The following CDC34 variants were observed in gnomAD, a reference collection of about 807,000 sequenced individuals.
CDC34 encodes ubiquitin-conjugating enzyme E2 R1.
In CDC34, 18 loss-of-function variants were observed where a neutral mutation model predicts 26.8. The ratio of observed to expected loss-of-function variants is 0.67; its 90% confidence interval spans 0.47 to 1.00. The LOEUF (loss-of-function observed/expected upper bound fraction) is 1.00, where lower values mean the gene tolerates loss of function less well. CDC34 is among the 50% of genes least tolerant of loss of function. The pLI is 0.00. For missense variants in CDC34, 280 were observed against 334.5 expected (o/e 0.84, Z 1.27); for synonymous variants, 178 against 147.5 (o/e 1.21, Z -1.50).
In CDC34 at chr19:535,936, C is replaced by T. The variant is rs1418642582; in HGVS notation, c.264+13C>T. ...TAACATCTACGAGGTGAGCGCGGCC[C>T]CCACGGGCCTCAAGTCCTCATCCTC... is the stretch of plus-strand genomic sequence containing the variant. On this transcript the variant is annotated intron_variant, in intron 2 of 4. Transcript: ENST00000215574. 4 of 1,610,270 alleles carry T rather than the reference C, an allele frequency of 2.5e-6. No individual in the cohort carries two copies. The African/African-American group carries it at 4.0e-5, about 16-fold the overall frequency.
At chr19:537,411 G>A (rs1279336742) in intron 4 of CDC34, among the ~76,000 whole-genome samples, 1 of 152,026 alleles carries the variant, frequency 6.6e-6, no homozygotes, top group Non-Finnish European at 1.5e-5. Context: ...GGAGTGCAGT[G>A]GCGCGATCTC....
At chr19:535,654 C>T (rs1183150272) in intron 1 of CDC34, among the ~76,000 whole-genome samples, 183 bp from the exon 2 acceptor site, 2 of 152,256 alleles carry the variant, frequency 1.3e-5, no homozygotes, top group Non-Finnish European at 2.9e-5. Flanking sequence ...GAAAAGGCTT[C>T]AGGCAGCCTT....
At chr19:539,033 A>G in intron 4 of CDC34, 1 of 983,358 alleles carries the variant, frequency 1.0e-6, no homozygotes, top group Non-Finnish European at 1.2e-6. Context: ...TTTATCCCTC[A>G]AAACTCCCTG....
intron 1 of CDC34, among the ~76,000 whole-genome samples, 160 bp downstream of exon 1, chr19:532,268 G>T (rs16990500): frequency 0.03 from 4,585 of 152,106 alleles, 101 homozygotes; most frequent in Non-Finnish European, 0.047. Flanking sequence ...CCCCCACCCA[G>T]CTCTGCCCGG....
In CDC34 at chr19:541,803, C is replaced by G. The variant is rs1251197433; in HGVS notation, c.*251C>G. On this transcript the variant is annotated 3_prime_UTR_variant, in exon 5 of 5. Coordinates refer to ENST00000215574, the MANE Select transcript of CDC34 (RefSeq NM_004359.2). ...GGGTGGGAGCGGCCGGCCCACCTGT[C>G]CCCTCGGGAGGGGAGCTGAGCCCGA... is the stretch of plus-strand genomic sequence containing the variant. 1 of 334,470 alleles carries G rather than the reference C, an allele frequency of 3.0e-6. No individual in the cohort carries two copies. Among genetic ancestry groups the G allele is most frequent in the South Asian group, 8.7e-5 (1 of 11,452 alleles). The allele number at this position is 334,470 out of a possible 1,614,324, so 20.7% of individuals were successfully genotyped here. A position where few individuals can be genotyped will look rare whatever the true frequency, so the allele number is the denominator to read the frequency against.
At chr19:533,269 A>T (rs1979580992) in intron 1 of CDC34, among the ~76,000 whole-genome samples, 1 of 152,234 alleles carries the variant, frequency 6.6e-6, no homozygotes, top group East Asian at 1.9e-4. Flanking sequence ...CCTGGACACG[A>T]CACGACACTG....
intron 3 of CDC34, 101 bp from the exon 4 acceptor site, chr19:536,912 T>G: frequency 7.2e-7 from 1 of 1,389,246 alleles, no homozygotes; most frequent in Non-Finnish European, 1.0e-6. Context: ...GAAGGTCACC[T>G]GCTGGGTGGG....
At chr19:539,434 AC>A (rs16990893) in intron 4 of CDC34, among the ~76,000 whole-genome samples, 6 of 148,930 alleles carry the variant, frequency 4.0e-5, no homozygotes, top group Non-Finnish European at 8.9e-5. Context: ...ACTGTCAGTC[AC>A]CCCCCCAGCC....
At chr19:534,777 T>G (rs36167898) in intron 1 of CDC34, among the ~76,000 whole-genome samples, 4 of 7,480 alleles carry the variant, frequency 5.3e-4, no homozygotes, top group Non-Finnish European at 1.2e-3. Context: ...CCGAGTGCCC[T>G]CCCTGTCCAG....
chr19:538,013 GC>G (rs1979840024), intron 4 of CDC34, among the ~76,000 whole-genome samples: 1 of 152,234 alleles, frequency 6.6e-6, no homozygotes, highest in African/African-American at 2.4e-5. Flanking sequence ...GCATGTCTGT[GC>G]TTTAATGAAG....
intron 4 of CDC34, 66 bp from the exon 5 acceptor site, chr19:541,273 A>G (rs1438507850): frequency 1.4e-6 from 2 of 1,454,896 alleles, no homozygotes; most frequent in East Asian, 2.5e-5. Flanking sequence ...GACCTGGGGG[A>G]GGGGGGCCGG....
intron 1 of CDC34, among the ~76,000 whole-genome samples, chr19:533,857 G>T (rs1046572103): frequency 6.6e-6 from 1 of 152,226 alleles, no homozygotes; most frequent in African/African-American, 2.4e-5. Flanking sequence ...GTGCCTGGGA[G>T]GGAGTTGGGG....
In CDC34 at chr19:531,852, C is replaced by G. The variant is rs1231827264; in HGVS notation, c.-80C>G. On this transcript the variant is annotated 5_prime_UTR_variant, in exon 1 of 5. Coordinates refer to ENST00000215574, the MANE Select transcript of CDC34 (RefSeq NM_004359.2). The stretch of plus-strand genomic sequence containing the variant: ...CCCGGTGGCTCCCCCCCGGACGGTG[C>G]GCGGCCCGGCCCGTCTCGCGAACTC... 20 of 933,060 alleles carry G rather than the reference C, an allele frequency of 2.1e-5. No homozygotes were observed. Among genetic ancestry groups the G allele is most frequent in the Non-Finnish European group, 2.6e-5 (19 of 736,294 alleles). 57.8% of individuals were successfully genotyped at this position (933,060 alleles called of 1,614,324 possible).
chr19:536,545 G>A lies in CDC34; in HGVS notation c.362+205G>A, dbSNP rs17841754. ...ACGGGGCCTGCGGCACCGTGTGTCG[G>A]TGCAGACTCCCACCAGGACCCCAGG... On this transcript the variant is annotated intron_variant, in intron 3 of 4. Transcript: ENST00000215574. The A allele has an allele frequency of 7.9e-3, 4,655 of 588,556 alleles. 109 individuals are homozygous for A. The highest frequency in any genetic ancestry group is 0.062 in the African/African-American group (3,300 of 53,656). 36.5% of individuals were successfully genotyped at this position (588,556 alleles called of 1,614,324 possible).
chr19:534,182 C>G (rs1033038455), intron 1 of CDC34, among the ~76,000 whole-genome samples: 5 of 152,158 alleles, frequency 3.3e-5, no homozygotes, highest in African/African-American at 1.2e-4. Flanking sequence ...CTTGGGGGGC[C>G]TGAAGTCTTG....
At chr19:541,277 G>T in intron 4 of CDC34, 62 bp from the exon 5 acceptor site, 10 of 1,464,106 alleles carry the variant, frequency 6.8e-6, no homozygotes, top group Non-Finnish European at 9.0e-6. Context: ...TGGGGGAGGG[G>T]GGCCGGGCAG....
At chr19:540,147 G>A (rs367784423) in intron 4 of CDC34, among the ~76,000 whole-genome samples, 1 of 10,728 alleles carries the variant, frequency 9.3e-5, no homozygotes, top group African/African-American at 1.6e-4. Flanking sequence ...GGAGGCCGGG[G>A]TGGCCAGGCC....
At position 537,251 on chromosome 19, in the gene CDC34, C is replaced by T. The variant is rs576491328; in HGVS notation, c.497+104C>T. 101 of 1,344,614 alleles carry T rather than the reference C, an allele frequency of 7.5e-5. No homozygotes were observed. In the African/African-American group the frequency reaches 1.3e-3, roughly 18 times the overall value. The allele number at this position is 1,344,614 out of a possible 1,614,324, so 83.3% of individuals were successfully genotyped here. ...AGCCCCACCTTCCTGGTGAGGGTGG[C>T]GGAGCTTCCTGGTGCCCATTTACAG... On this transcript the variant is annotated intron_variant, in intron 4 of 4. Coordinates refer to ENST00000215574, the MANE Select transcript of CDC34 (RefSeq NM_004359.2).
chr19:538,664 C>T (rs974784145), intron 4 of CDC34: 4 of 973,642 alleles, frequency 4.1e-6, no homozygotes, highest in East Asian at 2.3e-4. Context: ...ATGCATGTGT[C>T]TTCCTCGCCC....
Sources: allele counts gnomAD v4.1 joint callset (sites outside exome capture counted in the v4.1 genomes callset), GRCh38; gene constraint gnomAD v4.1.1; transcripts MANE v1.5; gene names NCBI Gene and HGNC (gene_info 2026-07-23, HGNC 2026-07-21).